The following TANC2 variants were observed in gnomAD, a reference collection of about 807,000 sequenced individuals.
TANC2 encodes the protein tetratricopeptide repeat, ankyrin repeat and coiled-coil containing 2.
TANC2 carries 26 observed loss-of-function variants against 210.5 expected under a neutral mutation model. That is an observed-to-expected ratio of 0.12 (90% confidence interval 0.09 to 0.17). The LOEUF (loss-of-function observed/expected upper bound fraction) is 0.17, where lower values mean the gene tolerates loss of function less well. Ranked by LOEUF, TANC2 falls within the 10% of genes least tolerant of loss-of-function variation. The pLI is 1.00. For synonymous variants in TANC2, 931 were observed against 967.1 expected (o/e 0.96, Z 0.69); for missense variants, 2,129 against 2,608.9 (o/e 0.82, Z 4.01).
At chr17:63,241,031 A>C (rs937483747) in intron 8 of TANC2, among the ~76,000 whole-genome samples, 2 of 152,204 alleles carry the variant, frequency 1.3e-5, no homozygotes, top group African/African-American at 4.8e-5. Context: ...GCATGAACCA[A>C]CCAATCTGTG....
chr17:63,206,492 A>T (rs2041715973), intron 7 of TANC2, among the ~76,000 whole-genome samples: 1 of 152,232 alleles, frequency 6.6e-6, no homozygotes, highest in South Asian at 2.1e-4. Context: ...AATATGATAT[A>T]TACATGCAAT....
intron 8 of TANC2, among the ~76,000 whole-genome samples, chr17:63,247,242 A>G (rs867899491): frequency 1.3e-5 from 2 of 152,052 alleles, no homozygotes; most frequent in African/African-American, 4.8e-5. Flanking sequence ...TCTTACTGGT[A>G]TATTAGGAAA....
At chr17:63,084,893 GA>G (rs1033324301) in intron 3 of TANC2, among the ~76,000 whole-genome samples, 26 of 152,116 alleles carry the variant, frequency 1.7e-4, no homozygotes, top group African/African-American at 6.3e-4. Context: ...TTATTGCCCA[GA>G]ATGTGTTCAC....
At chr17:63,331,429 A>G (rs2045838038) in intron 11 of TANC2, among the ~76,000 whole-genome samples, 1 of 152,244 alleles carries the variant, frequency 6.6e-6, no homozygotes, top group East Asian at 1.9e-4. Flanking sequence ...CACCAACAGT[A>G]TGTTATTGTG....
intron 6 of TANC2, 132 bp downstream of exon 6, chr17:63,194,271 C>T (rs974650859): frequency 3.0e-6 from 3 of 1,009,038 alleles, no homozygotes; most frequent in African/African-American, 1.7e-5. Context: ...ATTATTTCTT[C>T]AGTTTATGAA....
exon 6 of TANC2, chr17:63,194,086 A>G (rs1440342044): frequency 6.2e-7 from 1 of 1,613,454 alleles, no homozygotes; most frequent in Non-Finnish European, 8.5e-7. Flanking sequence ...AGAGAAAGTC[A>G]CAGAAGTTCA....
At chr17:63,005,893 AGTTTGTGTGT>A (rs2033600570) in intron 1 of TANC2, among the ~76,000 whole-genome samples, 2 of 121,014 alleles carry the variant, frequency 1.7e-5, no homozygotes, top group African/African-American at 6.1e-5. Context: ...CTGGCTGTAT[AGTTTGTGTGT>A]GTGTGTGTGT....
intron 9 of TANC2, among the ~76,000 whole-genome samples, chr17:63,313,704 G>C (rs1402380793): frequency 6.6e-6 from 1 of 152,106 alleles, no homozygotes; most frequent in Non-Finnish European, 1.5e-5. Context: ...TAAACCATCA[G>C]AGCTTTTAAT....
At position 63,014,531 on chromosome 17, in the gene TANC2, T is replaced by G. The variant is rs141846998; in HGVS notation, c.67+4905T>G. Among the ~76,000 whole-genome samples, 468 of 152,284 alleles carry G rather than the reference T, an allele frequency of 3.1e-3. 3 individuals carry two copies. The highest frequency in any genetic ancestry group is 4.0e-3 in the Admixed American group (61 of 15,294). On this transcript the variant is annotated intron_variant, in intron 2 of 27. Transcript: ENST00000689528. ...CCTCGCCAGGGATTTATTGATGTTGTTTTGATTATTTGTTTAGTCACTTCT... is the reference window on the plus strand; with the variant it reads ...CCTCGCCAGGGATTTATTGATGTTGGTTTGATTATTTGTTTAGTCACTTCT...
intron 9 of TANC2, among the ~76,000 whole-genome samples, chr17:63,275,048 G>A (rs191745673): frequency 2.2e-4 from 34 of 152,210 alleles, no homozygotes; most frequent in Non-Finnish European, 4.6e-4. Context: ...TATATAAAGG[G>A]AACCAGGAGG....
chr17:63,220,728 A>G (rs1463479048), intron 7 of TANC2, among the ~76,000 whole-genome samples: 1 of 144,858 alleles, frequency 6.9e-6, no homozygotes, highest in Non-Finnish European at 1.5e-5. Flanking sequence ...AAATATATAT[A>G]TATATATATG....
chr17:62,968,296 T>C (rs1440457359), intron 1 of TANC2, among the ~76,000 whole-genome samples: 1 of 152,260 alleles, frequency 6.6e-6, no homozygotes, highest in Non-Finnish European at 1.5e-5. Context: ...TTTTATGTTA[T>C]AATTCTTGTA....
intron 15 of TANC2, among the ~76,000 whole-genome samples, chr17:63,383,951 A>G (rs546110741): frequency 2.0e-5 from 3 of 152,338 alleles, no homozygotes; most frequent in African/African-American, 7.2e-5. Flanking sequence ...CACATCATTA[A>G]TTTAAAGATG....
intron 18 of TANC2, among the ~76,000 whole-genome samples, chr17:63,397,787 T>C (rs2048216171): frequency 6.6e-6 from 1 of 152,334 alleles, no homozygotes; most frequent in Admixed American, 6.5e-5. Flanking sequence ...AATAGGAAGT[T>C]GAGAGATTTG....
At chr17:63,199,695 G>A (rs2041465079) in intron 6 of TANC2, among the ~76,000 whole-genome samples, 1 of 151,724 alleles carries the variant, frequency 6.6e-6, no homozygotes, top group Non-Finnish European at 1.5e-5. Flanking sequence ...TAATTTATTT[G>A]TGTAGAAAGA....
chr17:63,363,668 G>A (rs1341386983), intron 14 of TANC2, among the ~76,000 whole-genome samples: 2 of 152,134 alleles, frequency 1.3e-5, no homozygotes, highest in Non-Finnish European at 2.9e-5. Flanking sequence ...TGAGTTCACT[G>A]TAGATGTATG....
intron 6 of TANC2, chr17:63,197,612 T>C (rs1215145786): frequency 6.6e-6 from 1 of 152,188 alleles, no homozygotes; most frequent in Non-Finnish European, 1.5e-5. Flanking sequence ...AGCATGAAAG[T>C]GATATTCACC....
chr17:63,139,221 C>T (rs959358602), intron 4 of TANC2, among the ~76,000 whole-genome samples: 21 of 152,264 alleles, frequency 1.4e-4, no homozygotes, highest in African/African-American at 4.1e-4. Context: ...ACTGTAATGC[C>T]ACTTGTGTCC....
chr17:63,288,515 A>G (rs1421321109), intron 9 of TANC2, among the ~76,000 whole-genome samples: 1 of 152,194 alleles, frequency 6.6e-6, no homozygotes, highest in Non-Finnish European at 1.5e-5. Context: ...AAAGTCATCT[A>G]TGGATGTCAG....
Sources: gnomAD v4.1 joint callset for allele counts (sites outside exome capture counted in the v4.1 genomes callset) on GRCh38, gnomAD v4.1.1 for gene constraint, MANE v1.5 for transcripts, NCBI Gene and HGNC (gene_info 2026-07-23, HGNC 2026-07-21) for gene names.